UGT2B4: variants seen among roughly 807,000 people sequenced by gnomAD.
The protein encoded by UGT2B4 is UDP-glucuronosyltransferase 2B4.
In UGT2B4, 49 loss-of-function variants were observed where a neutral mutation model predicts 49.8. That is an observed-to-expected ratio of 0.98 (90% CI 0.78 to 1.25). The LOEUF is 1.25. Ranked by LOEUF, UGT2B4 falls within the 50% of genes most tolerant of loss-of-function variation. The probability of loss-of-function intolerance (pLI) is 0.00; values close to 1 mark genes in which losing one functional copy is unlikely to be tolerated. For synonymous variants in UGT2B4, 246 were observed against 217.7 expected, an observed-to-expected ratio of 1.13 and a Z score of -1.14; for missense variants, 729 against 627.7, an observed-to-expected ratio of 1.16 and a Z score of -1.73.
chr4:69,486,760 A>C, intron 3 of UGT2B4, 64 bp from the exon 4 acceptor site: 1 of 1,241,630 alleles, frequency 8.1e-7, no homozygotes, highest in Admixed American at 2.1e-5. Flanking sequence ...AATGTTAGAA[A>C]TCTAAAGAGA....
intron 1 of UGT2B4, among the ~76,000 whole-genome samples, chr4:69,520,068 T>C (rs910940085): frequency 2.6e-5 from 4 of 152,192 alleles, no homozygotes; most frequent in African/African-American, 9.6e-5. Flanking sequence ...AAAACTCTAC[T>C]TATTTCCTAT....
intron 1 of UGT2B4, among the ~76,000 whole-genome samples, chr4:69,510,347 T>C (rs1272951712): frequency 6.6e-6 from 1 of 152,192 alleles, no homozygotes; most frequent in Non-Finnish European, 1.5e-5. Context: ...GAGTCTTTAA[T>C]GAGCAGTCAT....
upstream of UGT2B4, among the ~76,000 whole-genome samples, chr4:69,498,940 C>CT (rs1728232703): frequency 1.3e-5 from 2 of 152,028 alleles, no homozygotes; most frequent in Admixed American, 6.6e-5. Context: ...CTCTCTAGTT[C>CT]TTTTAGTTGC....
At chr4:69,506,013 A>G (rs1163434601) in intron 1 of UGT2B4, among the ~76,000 whole-genome samples, 1 of 152,134 alleles carries the variant, frequency 6.6e-6, no homozygotes, top group South Asian at 2.1e-4. Context: ...AATCAAGAAG[A>G]TCTTTGAAAC....
chr4:69,521,668 G>A (rs1419822593), intron 1 of UGT2B4, among the ~76,000 whole-genome samples: 1 of 152,140 alleles, frequency 6.6e-6, no homozygotes, highest in Admixed American at 6.5e-5. Context: ...CAGCCTGCTG[G>A]GCCAAGTGGG....
intron 5 of UGT2B4, among the ~76,000 whole-genome samples, chr4:69,482,171 C>T (rs367616533): frequency 1.2e-4 from 18 of 152,296 alleles, no homozygotes; most frequent in African/African-American, 3.8e-4. Context: ...TCAAGGCATG[C>T]TTCTATCTCT....
At chr4:69,510,191 T>G (rs914470679) in intron 1 of UGT2B4, among the ~76,000 whole-genome samples, 1 of 152,182 alleles carries the variant, frequency 6.6e-6, no homozygotes, top group African/African-American at 2.4e-5. Context: ...GGGCTCTATA[T>G]TCTGTGACAT....
chr4:69,521,769 T>A (rs1254737923), intron 1 of UGT2B4, among the ~76,000 whole-genome samples: 1 of 152,132 alleles, frequency 6.6e-6, no homozygotes, highest in Non-Finnish European at 1.5e-5. Flanking sequence ...ATCCCGAGGA[T>A]CTCATGACAC....
chr4:69,525,325 A>G (rs1029833673), intron 1 of UGT2B4, among the ~76,000 whole-genome samples: 1 of 152,166 alleles, frequency 6.6e-6, no homozygotes, highest in African/African-American at 2.4e-5. Flanking sequence ...AAGAACAGAG[A>G]TTAAATTTGT....
At chr4:69,485,994 C>T (rs1727770056) in intron 4 of UGT2B4, among the ~76,000 whole-genome samples, 1 of 152,068 alleles carries the variant, frequency 6.6e-6, no homozygotes, top group Admixed American at 6.6e-5. Flanking sequence ...CTCCTGAGCT[C>T]AGTCAATCCA....
chr4:69,494,754 A>G (rs965715907), intron 1 of UGT2B4, among the ~76,000 whole-genome samples: 16 of 152,208 alleles, frequency 1.1e-4, no homozygotes, highest in African/African-American at 3.6e-4. Flanking sequence ...GCAATGTTAT[A>G]TAGATAGTTC....
intron 3 of UGT2B4, 26 bp downstream of exon 3, chr4:69,489,413 T>TA: frequency 6.2e-7 from 1 of 1,605,398 alleles, no homozygotes; most frequent in Non-Finnish European, 8.5e-7. Context: ...AGTAGTTTTT[T>TA]ACACCATTAA....
intron 5 of UGT2B4, among the ~76,000 whole-genome samples, chr4:69,482,828 G>A (rs922254682): frequency 4.0e-5 from 6 of 150,666 alleles, no homozygotes; most frequent in South Asian, 2.1e-4. Flanking sequence ...GGCTTGTCTC[G>A]AACTCCTGAC....
intron 3 of UGT2B4, among the ~76,000 whole-genome samples, chr4:69,488,964 G>T (rs911478099): frequency 6.6e-6 from 1 of 152,088 alleles, no homozygotes; most frequent in Non-Finnish European, 1.5e-5. Context: ...AGTACACGAG[G>T]CTGGGTAACA....
chr4:69,520,294 G>C (rs1413568708), intron 1 of UGT2B4, among the ~76,000 whole-genome samples: 3 of 152,142 alleles, frequency 2.0e-5, no homozygotes, highest in African/African-American at 7.2e-5. Flanking sequence ...ATTCACTATT[G>C]ATGACAGCTC....
intron 1 of UGT2B4, among the ~76,000 whole-genome samples, chr4:69,501,211 G>T (rs1421962118): frequency 6.7e-6 from 1 of 149,626 alleles, no homozygotes; most frequent in Non-Finnish European, 1.5e-5. Context: ...TAGCTGTTCT[G>T]CCATTTGAGC....
rs772370972 is a variant in UGT2B4 at position 69,495,839 on chromosome 4, G to A, written c.23C>T (p.Ala8Val). The A allele has an allele frequency of 1.2e-5, 19 of 1,598,230 alleles. No individual in the cohort carries two copies. The South Asian group carries it at 1.5e-4, about 12-fold the overall frequency. Residue 8 changes from alanine to valine, a missense_variant, in exon 1 of 6, where the codon GCT (alanine) becomes GTT (valine). Transcript: ENST00000305107. MSMKWTS[A>V]LLLIQLSCYF... Reference sequence around the variant, plus strand: ...ACAGCTCAGCTGTATCAGCAGAAGAGCTGAAGTCCATTTCATAGACATCCT... The same window carrying A: ...ACAGCTCAGCTGTATCAGCAGAAGAACTGAAGTCCATTTCATAGACATCCT...
At chr4:69,517,449 A>T (rs1429112560) in intron 1 of UGT2B4, among the ~76,000 whole-genome samples, 1 of 152,174 alleles carries the variant, frequency 6.6e-6, no homozygotes, top group Non-Finnish European at 1.5e-5. Flanking sequence ...TTAAAGAAAG[A>T]ATCAAATAAA....
chr4:69,492,987 A>G (rs1217111298), intron 2 of UGT2B4, among the ~76,000 whole-genome samples: 1 of 152,110 alleles, frequency 6.6e-6, no homozygotes, highest in South Asian at 2.1e-4. Context: ...TCTTTTTAGT[A>G]GTCCCTAAAT....
Sources: gnomAD v4.1 joint callset for allele counts (sites outside exome capture counted in the v4.1 genomes callset) on GRCh38, gnomAD v4.1.1 for gene constraint, MANE v1.5 for transcripts, NCBI Gene and HGNC (gene_info 2026-07-23, HGNC 2026-07-21) for gene names.